Variants in DKK4 observed in about 807,000 individuals in gnomAD.
The protein encoded by DKK4 is dickkopf-related protein 4.
A neutral mutation model predicts 14.5 loss-of-function variants in DKK4; 15 were observed. The observed-to-expected ratio is 1.03, with a 90% CI of 0.69 to 1.59. The LOEUF (loss-of-function observed/expected upper bound fraction) is 1.59, where lower values mean the gene tolerates loss of function less well. DKK4 is among the 40% of genes most tolerant of loss of function. The probability of loss-of-function intolerance (pLI) is 0.00; values close to 1 mark genes in which losing one functional copy is unlikely to be tolerated. For missense variants in DKK4, 272 were observed against 280.3 expected (o/e 0.97, Z 0.21); for synonymous variants, 89 against 105.2 (o/e 0.85, Z 0.94).
chr8:42,388,161 A>G, the DKK4 span, among the ~76,000 whole-genome samples: 1 of 152,202 alleles, frequency 6.6e-6, no homozygotes, highest in Non-Finnish European at 1.5e-5. Flanking sequence ...TGTGGCTCTA[A>G]TATTCATATG....
the DKK4 span, among the ~76,000 whole-genome samples, chr8:42,388,650 G>C: frequency 2.0e-5 from 3 of 151,080 alleles, no homozygotes; most frequent in Admixed American, 6.6e-5. Flanking sequence ...GGCTCAGTGC[G>C]AACTCCGCCT....
chr8:42,388,101 TG>T, the DKK4 span, among the ~76,000 whole-genome samples: 1 of 152,208 alleles, frequency 6.6e-6, no homozygotes, highest in African/African-American at 2.4e-5. Flanking sequence ...GGTCTCACTA[TG>T]TTGCTCAGCC....
At chr8:42,387,279 T>C in the DKK4 span, among the ~76,000 whole-genome samples, 4 of 141,680 alleles carry the variant, frequency 2.8e-5, no homozygotes, top group South Asian at 2.2e-4. Context: ...GCAGTGTGGG[T>C]GGGAAATGAG....
At chr8:42,375,533 A>AT in intron 2 of DKK4, 147 bp downstream of exon 2, 16 of 998,052 alleles carry the variant, frequency 1.6e-5, no homozygotes, top group South Asian at 1.9e-5. Context: ...AAAAAAAAAA[A>AT]GGAAAAGAAA....
the DKK4 span, among the ~76,000 whole-genome samples, chr8:42,387,620 A>G: frequency 1.3e-5 from 2 of 152,014 alleles, no homozygotes; most frequent in African/African-American, 2.4e-5. Context: ...TCAGCCTCCC[A>G]AAGTGTTGGG....
upstream of DKK4, chr8:42,377,234 A>G (rs1272562100): frequency 3.5e-6 from 2 of 567,828 alleles, no homozygotes; most frequent in African/African-American, 3.7e-5. Flanking sequence ...AAGTCTGACC[A>G]GCAGGTTCCT....
At chr8:42,375,940 C>G (rs1489749517) in intron 1 of DKK4, 110 bp from the exon 2 acceptor site, 1 of 1,381,634 alleles carries the variant, frequency 7.2e-7, no homozygotes, top group Non-Finnish European at 9.8e-7. Flanking sequence ...GGCGCTGTGA[C>G]AAACCCTGGG....
At chr8:42,377,262 C>G (rs1189722983), upstream of DKK4, 3 of 540,516 alleles carry the variant, frequency 5.6e-6, no homozygotes, top group African/African-American at 3.8e-5. Context: ...CTATTTATAA[C>G]CAGATGTGCC....
chr8:42,376,905 G>A (rs772924944), intron 1 of DKK4, 30 bp downstream of exon 1: 7 of 1,583,058 alleles, frequency 4.4e-6, no homozygotes, highest in East Asian at 4.5e-5. Flanking sequence ...CAGCAGTCCC[G>A]TACCTCGCCC....
At chr8:42,376,691 C>T (rs1824571102) in intron 1 of DKK4, among the ~76,000 whole-genome samples, 1 of 152,108 alleles carries the variant, frequency 6.6e-6, no homozygotes, top group South Asian at 2.1e-4. Flanking sequence ...CCAAAGTGTT[C>T]GTTTATTTCG....
At chr8:42,377,461 A>C (rs147868971), upstream of DKK4, among the ~76,000 whole-genome samples, 55 of 152,348 alleles carry the variant, frequency 3.6e-4, 1 homozygote, top group African/African-American at 1.2e-3. Flanking sequence ...GGGCCACGGC[A>C]GAGCAGGATG....
chr8:42,388,075 T>C, the DKK4 span, among the ~76,000 whole-genome samples: 4 of 151,796 alleles, frequency 2.6e-5, no homozygotes, highest in Non-Finnish European at 5.9e-5. Flanking sequence ...ATTAAAAATG[T>C]TTTTTTTAGA....
rs748953274 is a variant in DKK4 at position 42,374,148 on chromosome 8, A to C, written c.627T>G (p.Asn209Lys). 2 of 1,613,018 alleles carry C rather than the reference A, an allele frequency of 1.2e-6. No individual in the cohort carries two copies. The highest frequency in any genetic ancestry group is 1.7e-6 in the Non-Finnish European group (2 of 1,180,006). The change falls in exon 4 of 4, where the codon AAT becomes AAG. Residue 209 changes from asparagine (N) to lysine (K), a missense_variant. Coordinates refer to ENST00000220812, the MANE Select transcript of DKK4 (RefSeq NM_014420.3). ...GLLCRSQLTS[N>K]RQHARLRVCQ... ...ATACTCTTAATCGAGCATGCTGCCG[A>C]TTGCTGGTCAATTGGCTTCGACACA... is the stretch of plus-strand genomic sequence containing the variant.
intron 1 of DKK4, 43 bp from the exon 2 acceptor site, chr8:42,375,873 C>T (rs766744391): frequency 2.5e-6 from 4 of 1,604,576 alleles, no homozygotes; most frequent in African/African-American, 2.7e-5. Flanking sequence ...AAACCCCCAA[C>T]ACGATGGAAG....
chr8:42,379,376 TATAGAGAGAGAG>T (rs1415705469), upstream of DKK4, among the ~76,000 whole-genome samples: 102 of 45,602 alleles, frequency 2.2e-3, no homozygotes, highest in Admixed American at 0.01. Context: ...TATATATATA[TATAGAGAGAGAG>T]AGAGAGAGAG....
chr8:42,380,404 AAAG>A (rs148509726), upstream of DKK4, among the ~76,000 whole-genome samples: 32,707 of 145,276 alleles, frequency 0.23, 7,359 homozygotes, highest in African/African-American at 0.59. Context: ...AGGAAGGAAA[AAAG>A]AAAGAAAAGA....
At chr8:42,379,391 A>T (rs1163836883), upstream of DKK4, among the ~76,000 whole-genome samples, 2 of 79,746 alleles carry the variant, frequency 2.5e-5, no homozygotes, top group Admixed American at 1.3e-4. Context: ...AGAGAGAGAG[A>T]GAGAGAGAGA....
chr8:42,378,351 T>C (rs1311448164), upstream of DKK4, among the ~76,000 whole-genome samples: 1 of 152,230 alleles, frequency 6.6e-6, no homozygotes, highest in East Asian at 1.9e-4. Flanking sequence ...AATCTCAGCA[T>C]TCTGTGCATG....
chr8:42,391,209 T>G, the DKK4 span, among the ~76,000 whole-genome samples: 1 of 151,954 alleles, frequency 6.6e-6, no homozygotes, highest in African/African-American at 2.4e-5. Flanking sequence ...GTGACACTCT[T>G]GAAGTCTGGT....
Sources: gnomAD v4.1 joint callset for allele counts (sites outside exome capture counted in the v4.1 genomes callset) on GRCh38, gnomAD v4.1.1 for gene constraint, MANE v1.5 for transcripts, NCBI Gene and HGNC (gene_info 2026-07-23, HGNC 2026-07-21) for gene names.